The following NLGN4Y variants were observed in gnomAD, a reference collection of about 807,000 sequenced individuals.
The protein encoded by NLGN4Y is neuroligin-4, Y-linked.
NLGN4Y carries 4 observed loss-of-function variants against 8.4 expected under a neutral mutation model. The observed-to-expected ratio is 0.48, with a 90% CI of 0.23 to 1.09. The LOEUF is 1.09. Ranked by LOEUF, NLGN4Y falls within the 50% of genes least tolerant of loss-of-function variation. The pLI is 0.19. For synonymous variants in NLGN4Y, 35 were observed against 75.6 expected, an observed-to-expected ratio of 0.46 and a Z score of 2.78; for missense variants, 90 against 192.3, an observed-to-expected ratio of 0.47 and a Z score of 3.15.
intron 4 of NLGN4Y, among the ~76,000 whole-genome samples, chrY:14,806,347 CT>C (rs2043057253): frequency 3.1e-5 from 1 of 32,094 alleles, no homozygotes; most frequent in Non-Finnish European, 7.5e-5. Flanking sequence ...CCTCCATGTG[CT>C]GTCTACTCAT....
At chrY:14,778,074 A>ACT (rs2081133629) in intron 4 of NLGN4Y, among the ~76,000 whole-genome samples, 3 of 30,848 alleles carry the variant, frequency 9.7e-5, no homozygotes, top group Admixed American at 9.3e-4. Flanking sequence ...TAAATAAATA[A>ACT]ATAACTATGT....
chrY:14,597,191 G>A, intron 1 of NLGN4Y, among the ~76,000 whole-genome samples: 1 of 32,137 alleles, frequency 3.1e-5, no homozygotes, highest in Non-Finnish European at 7.6e-5. Context: ...CGGTGGGCTC[G>A]TGGTCTCGCT....
At chrY:14,754,283 A>T in intron 4 of NLGN4Y, among the ~76,000 whole-genome samples, 1 of 33,069 alleles carries the variant, frequency 3.0e-5, no homozygotes, top group Non-Finnish European at 7.4e-5. Flanking sequence ...TTTAGGCAGG[A>T]GAATCACTTG....
At chrY:14,747,149 T>C in intron 4 of NLGN4Y, among the ~76,000 whole-genome samples, 2 of 32,084 alleles carry the variant, frequency 6.2e-5, no homozygotes, top group East Asian at 1.7e-3. Context: ...TGATATAGTT[T>C]GGATATTGGT....
Position 14,841,733 on chromosome Y carries a change from G to A in NLGN4Y, c.*471G>A. 8.3e-6 allele frequency: 1 copy of A among 120,046 alleles called. No homozygotes were observed. Among genetic ancestry groups the A allele is most frequent in the African/African-American group, 9.6e-5 (1 of 10,436 alleles). The allele number at this position is 120,046 out of a possible 400,897, so 29.9% of individuals were successfully genotyped here. A position where few individuals can be genotyped will look rare whatever the true frequency, so the allele number is the denominator to read the frequency against. On this transcript the variant is annotated 3_prime_UTR_variant, in exon 7 of 7. Coordinates refer to ENST00000684976, the MANE Select transcript of NLGN4Y (RefSeq NM_001365588.1). ...TATAGGCTTTTACACAGCACATGAA[G>A]CAGTAATCCAGAAAGAAGGAAATGC...
At chrY:14,581,745 T>C (rs2080321063) in intron 1 of NLGN4Y, among the ~76,000 whole-genome samples, 1 of 33,932 alleles carries the variant, frequency 2.9e-5, no homozygotes, top group Non-Finnish European at 7.3e-5. Flanking sequence ...GCTTGTGCAG[T>C]GGCCATTTTC....
intron 1 of NLGN4Y, among the ~76,000 whole-genome samples, chrY:14,548,341 G>T: frequency 6.1e-5 from 2 of 32,858 alleles, no homozygotes; most frequent in Non-Finnish European, 1.5e-4. Flanking sequence ...CCAGCTGTGT[G>T]GTAGGCTGAG....
chrY:14,829,524 T>C, intron 5 of NLGN4Y, among the ~76,000 whole-genome samples: 1 of 32,743 alleles, frequency 3.1e-5, no homozygotes, highest in South Asian at 6.8e-4. Context: ...TGTGTGTGTG[T>C]GTGTGTAGAA....
chrY:14,563,247 G>A, intron 1 of NLGN4Y, among the ~76,000 whole-genome samples: 1 of 33,630 alleles, frequency 3.0e-5, no homozygotes, highest in Non-Finnish European at 7.4e-5. Context: ...AGAGTTTTTA[G>A]CATGAAGTAT....
intron 4 of NLGN4Y, among the ~76,000 whole-genome samples, chrY:14,754,385 TAAAC>T (rs2150567303): frequency 3.0e-5 from 1 of 33,134 alleles, no homozygotes; most frequent in South Asian, 6.7e-4. Flanking sequence ...AATAAATAAA[TAAAC>T]AAACAAACAA....
At chrY:14,577,166 C>T in intron 1 of NLGN4Y, among the ~76,000 whole-genome samples, 1 of 33,490 alleles carries the variant, frequency 3.0e-5, no homozygotes, top group Non-Finnish European at 7.4e-5. Flanking sequence ...GTCTTAAATC[C>T]TAGATATTCT....
intron 2 of NLGN4Y, among the ~76,000 whole-genome samples, chrY:14,696,999 G>C: frequency 3.1e-5 from 1 of 32,410 alleles, no homozygotes. Context: ...GTCATGCTTT[G>C]CCTGTGACCT....
intron 4 of NLGN4Y, among the ~76,000 whole-genome samples, chrY:14,798,430 C>A: frequency 1.2e-4 from 4 of 33,033 alleles, no homozygotes. Flanking sequence ...TTTATTCTTT[C>A]CTGGTGTTTC....
intron 1 of NLGN4Y, among the ~76,000 whole-genome samples, chrY:14,577,695 A>G (rs2080303618): frequency 2.9e-5 from 1 of 34,056 alleles, no homozygotes; most frequent in African/African-American, 1.1e-4. Context: ...TCCTTGAGGA[A>G]TCACCACGTT....
chrY:14,661,979 C>A, intron 2 of NLGN4Y, among the ~76,000 whole-genome samples: 5 of 33,864 alleles, frequency 1.5e-4, no homozygotes, highest in Admixed American at 1.3e-3. Context: ...TCAAGCTCAT[C>A]ATTCACTTGC....
intron 1 of NLGN4Y, among the ~76,000 whole-genome samples, chrY:14,592,099 A>G: frequency 3.1e-5 from 1 of 32,102 alleles, no homozygotes; most frequent in Non-Finnish European, 7.6e-5. Context: ...TGTAGAGGTA[A>G]TTAGGAGCTA....
chrY:14,829,024 A>C (rs1603504436), intron 5 of NLGN4Y, among the ~76,000 whole-genome samples: 1 of 33,028 alleles, frequency 3.0e-5, no homozygotes, highest in Admixed American at 2.8e-4. Flanking sequence ...AAATAAAAAA[A>C]AAAACAAAAA....
intron 4 of NLGN4Y, among the ~76,000 whole-genome samples, chrY:14,749,740 A>C: frequency 3.0e-5 from 1 of 33,861 alleles, no homozygotes; most frequent in South Asian, 6.6e-4. Context: ...CAATGAAGAT[A>C]CTTGCTTCAT....
At chrY:14,823,133 A>G (rs776108298) in intron 4 of NLGN4Y, among the ~76,000 whole-genome samples, 2 of 33,674 alleles carry the variant, frequency 5.9e-5, no homozygotes, top group African/African-American at 2.3e-4. Context: ...GGTTAACTCT[A>G]CTGGTATGCA....
Sources: gnomAD v4.1 joint callset for allele counts (sites outside exome capture counted in the v4.1 genomes callset) on GRCh38, gnomAD v4.1.1 for gene constraint, MANE v1.5 for transcripts, NCBI Gene and HGNC (gene_info 2026-07-23, HGNC 2026-07-21) for gene names.